ARHGAP26: variants seen among roughly 807,000 people sequenced by gnomAD.
ARHGAP26 encodes the protein rho GTPase-activating protein 26.
In ARHGAP26, 38 loss-of-function variants were observed where a neutral mutation model predicts 104.8. That is an observed-to-expected ratio of 0.36 (90% CI 0.28 to 0.48). The LOEUF (loss-of-function observed/expected upper bound fraction) is 0.48. Among genes scored for constraint, ARHGAP26 ranks in the 20% least tolerant of loss-of-function variants. The pLI is 0.99. For missense variants in ARHGAP26, 704 were observed against 947.9 expected (o/e 0.74, Z 3.38); for synonymous variants, 341 against 340.0 (o/e 1.00, Z -0.03).
intron 10 of ARHGAP26, among the ~76,000 whole-genome samples, chr5:142,931,192 A>G (rs1262010979): frequency 6.6e-6 from 1 of 152,216 alleles, no homozygotes; most frequent in African/African-American, 2.4e-5. Context: ...ATCCACATAC[A>G]TTTGAGGGAG....
chr5:143,211,776 G>A (rs1809505144), intron 21 of ARHGAP26, among the ~76,000 whole-genome samples: 2 of 151,772 alleles, frequency 1.3e-5, no homozygotes, highest in African/African-American at 4.8e-5. Flanking sequence ...CTACAGTCTG[G>A]TCTTAAATTC....
intron 20 of ARHGAP26, chr5:143,165,424 T>C (rs1010696725): frequency 1.3e-5 from 2 of 152,224 alleles, no homozygotes; most frequent in African/African-American, 4.8e-5. Flanking sequence ...TCCTCGTCCA[T>C]GTCACCTCAT....
chr5:142,995,137 A>G (rs1329706125), intron 11 of ARHGAP26, among the ~76,000 whole-genome samples: 1 of 152,242 alleles, frequency 6.6e-6, no homozygotes, highest in African/African-American at 2.4e-5. Flanking sequence ...ACCAAAAACA[A>G]TTGCAACAAA....
At position 143,181,903 on chromosome 5, in the gene ARHGAP26, T is replaced by C. The variant is rs1430281701; in HGVS notation, c.1989-25295T>C. Among the ~76,000 whole-genome samples, 2 of 152,206 alleles carry C rather than the reference T, an allele frequency of 1.3e-5. 1 individual carries two copies. The highest frequency in any genetic ancestry group is 2.9e-5 in the Non-Finnish European group (2 of 68,036). On this transcript the variant is annotated intron_variant, in intron 20 of 22. Transcript: ENST00000645722. ...ATAAAATCTAAACTGTTTCTCATGG[T>C]CTACATGGTCAGCCATTGTTTACCT...
chr5:143,102,905 A>G (rs555275194), intron 17 of ARHGAP26, among the ~76,000 whole-genome samples: 187 of 151,056 alleles, frequency 1.2e-3, no homozygotes, highest in Non-Finnish European at 2.3e-3. Flanking sequence ...AAGAGGCAGC[A>G]CAATCCATTT....
chr5:142,784,023 C>T (rs1048287777), intron 1 of ARHGAP26, among the ~76,000 whole-genome samples: 6 of 152,194 alleles, frequency 3.9e-5, no homozygotes, highest in Non-Finnish European at 1.5e-5. Flanking sequence ...CCGTAGGCTT[C>T]GGCATCCAGA....
At chr5:143,099,227 G>C (rs977593987) in intron 17 of ARHGAP26, among the ~76,000 whole-genome samples, 2 of 152,196 alleles carry the variant, frequency 1.3e-5, no homozygotes, top group Admixed American at 6.5e-5. Context: ...AATAGCGTAA[G>C]TTAAGCAAAA....
chr5:142,836,992 C>A (rs1769701640), intron 1 of ARHGAP26, among the ~76,000 whole-genome samples: 1 of 152,178 alleles, frequency 6.6e-6, no homozygotes, highest in Non-Finnish European at 1.5e-5. Flanking sequence ...GGGTGACTTA[C>A]CCCATTGATG....
intron 1 of ARHGAP26, among the ~76,000 whole-genome samples, chr5:142,779,822 G>A (rs1213652664): frequency 1.3e-5 from 2 of 152,196 alleles, no homozygotes; most frequent in South Asian, 2.1e-4. Context: ...TCCTGACTGC[G>A]TATCTCGTTA....
chr5:142,993,440 A>G (rs1458232436), intron 11 of ARHGAP26, among the ~76,000 whole-genome samples: 3 of 151,996 alleles, frequency 2.0e-5, no homozygotes, highest in African/African-American at 7.2e-5. Flanking sequence ...AAGTGCTGGG[A>G]TTGCAGGTGT....
chr5:143,015,418 G>C (rs907523505), intron 12 of ARHGAP26, among the ~76,000 whole-genome samples: 6 of 152,206 alleles, frequency 3.9e-5, no homozygotes, highest in African/African-American at 1.4e-4. Flanking sequence ...CGGTGAGAAA[G>C]GGTCTTCTGG....
chr5:142,803,379 C>A (rs1351854261), intron 1 of ARHGAP26, among the ~76,000 whole-genome samples: 1 of 152,116 alleles, frequency 6.6e-6, no homozygotes, highest in Non-Finnish European at 1.5e-5. Flanking sequence ...CTTTTGGCTG[C>A]CTTTATGATA....
intron 17 of ARHGAP26, among the ~76,000 whole-genome samples, chr5:143,100,961 C>CGT (rs1793142161): frequency 6.6e-6 from 1 of 152,104 alleles, no homozygotes; most frequent in African/African-American, 2.4e-5. Context: ...AGTGTGGTGA[C>CGT]GTGTGCCTGT....
chr5:142,887,921 C>T (rs546750110), intron 5 of ARHGAP26, among the ~76,000 whole-genome samples: 44 of 152,026 alleles, frequency 2.9e-4, no homozygotes, highest in African/African-American at 9.6e-4. Context: ...GCCACAGTCG[C>T]GCCACTGCAC....
chr5:142,932,541 T>G (rs1364252402), intron 11 of ARHGAP26, among the ~76,000 whole-genome samples: 1 of 152,234 alleles, frequency 6.6e-6, no homozygotes, highest in Non-Finnish European at 1.5e-5. Flanking sequence ...GTAGTTGTTC[T>G]GCATCTTGTG....
chr5:142,808,032 G>A (rs909509268), intron 1 of ARHGAP26, among the ~76,000 whole-genome samples: 2 of 151,756 alleles, frequency 1.3e-5, no homozygotes, highest in Non-Finnish European at 1.5e-5. Context: ...TCAGGAGATC[G>A]AAACCATCCT....
At chr5:143,113,171 C>G (rs926813469) in intron 17 of ARHGAP26, among the ~76,000 whole-genome samples, 5 of 152,190 alleles carry the variant, frequency 3.3e-5, no homozygotes, top group Admixed American at 1.3e-4. Flanking sequence ...TAGAATACCT[C>G]TGCGTTAGAT....
At chr5:143,043,015 G>A (rs1362334944) in intron 14 of ARHGAP26, among the ~76,000 whole-genome samples, 1 of 152,058 alleles carries the variant, frequency 6.6e-6, no homozygotes, top group Non-Finnish European at 1.5e-5. Flanking sequence ...ATTTACATTC[G>A]GTTGTAAGAA....
At chr5:142,945,179 G>A (rs1283630918) in intron 11 of ARHGAP26, among the ~76,000 whole-genome samples, 1 of 152,172 alleles carries the variant, frequency 6.6e-6, no homozygotes, top group East Asian at 1.9e-4. Flanking sequence ...AGCCACAGGA[G>A]CTACCATGTC....
Sources: allele counts gnomAD v4.1 joint callset (sites outside exome capture counted in the v4.1 genomes callset), GRCh38; gene constraint gnomAD v4.1.1; transcripts MANE v1.5; gene names NCBI Gene and HGNC (gene_info 2026-07-23, HGNC 2026-07-21).